Variants in MSI2 observed in about 807,000 individuals in gnomAD.
The protein encoded by MSI2 is musashi RNA binding protein 2.
A neutral mutation model predicts 45.6 loss-of-function variants in MSI2; 17 were observed. That is an observed-to-expected ratio of 0.37 (90% CI 0.26 to 0.56). MSI2 has a LOEUF of 0.56. Ranked by LOEUF, MSI2 falls within the 20% of genes least tolerant of loss-of-function variation. The pLI is 0.77. For missense variants in MSI2, 293 were observed against 444.2 expected, an observed-to-expected ratio of 0.66 and a Z score of 3.06; for synonymous variants, 156 against 158.2, an observed-to-expected ratio of 0.99 and a Z score of 0.11.
At chr17:57,338,488 T>C (rs756804840) in intron 5 of MSI2, among the ~76,000 whole-genome samples, 5 of 152,130 alleles carry the variant, frequency 3.3e-5, no homozygotes, top group African/African-American at 4.8e-5. Context: ...GAGACCATAA[T>C]CTCTGCGGTC....
chr17:57,256,815 A>T lies in MSI2; in HGVS notation c.62+11A>T. On this transcript the variant is annotated intron_variant, in intron 1 of 13. Coordinates refer to ENST00000284073, the MANE Select transcript of MSI2 (RefSeq NM_138962.4). ...CCAGCACGACCCCGGGTAAGTTTCC[A>T]GCCGCTGCCCACCGCGCCGCCTTGG... The T allele has an allele frequency of 2.7e-6, 4 of 1,457,840 alleles. No homozygotes were observed. The East Asian group carries it at 1.1e-4, about 40-fold the overall frequency. 90.3% of individuals were successfully genotyped at this position (1,457,840 alleles called of 1,614,324 possible).
intron 7 of MSI2, among the ~76,000 whole-genome samples, chr17:57,553,304 A>C (rs2087350382): frequency 6.6e-6 from 1 of 152,220 alleles, no homozygotes; most frequent in African/African-American, 2.4e-5. Context: ...CTGTTTGGGA[A>C]GGCAGAATGA....
chr17:57,457,483 A>G (rs1283349645), intron 6 of MSI2, among the ~76,000 whole-genome samples: 3 of 152,202 alleles, frequency 2.0e-5, no homozygotes, highest in African/African-American at 7.2e-5. Flanking sequence ...TGGCCAATGA[A>G]CTTATTTTAA....
chr17:57,269,273 A>G (rs183219411), intron 5 of MSI2, among the ~76,000 whole-genome samples: 1 of 152,316 alleles, frequency 6.6e-6, no homozygotes, highest in African/African-American at 2.4e-5. Context: ...AGAAGGCCTC[A>G]AGGGCCCAAT....
the MSI2 span, among the ~76,000 whole-genome samples, chr17:57,697,590 C>T: frequency 3.3e-5 from 5 of 152,214 alleles, no homozygotes; most frequent in South Asian, 1.0e-3. Context: ...AAAGACATAC[C>T]CAAGACTGGG....
At chr17:57,535,162 A>C (rs1215075563) in intron 7 of MSI2, among the ~76,000 whole-genome samples, 2 of 152,166 alleles carry the variant, frequency 1.3e-5, no homozygotes, top group Non-Finnish European at 2.9e-5. Flanking sequence ...GCCCTGATGG[A>C]GAAAGTGGAA....
intron 11 of MSI2, among the ~76,000 whole-genome samples, chr17:57,664,662 C>T (rs1037545319): frequency 1.3e-5 from 2 of 152,178 alleles, no homozygotes; most frequent in Non-Finnish European, 1.5e-5. Flanking sequence ...GGGACAGAAG[C>T]GGTTCCAGAA....
intron 7 of MSI2, among the ~76,000 whole-genome samples, chr17:57,588,995 G>A (rs1239998705): frequency 2.0e-5 from 3 of 152,296 alleles, no homozygotes; most frequent in East Asian, 1.9e-4. Context: ...GCTCAGTGAC[G>A]GCAGATGAGC....
At chr17:57,643,811 G>C (rs1436418257) in intron 10 of MSI2, among the ~76,000 whole-genome samples, 2 of 152,138 alleles carry the variant, frequency 1.3e-5, no homozygotes, top group Non-Finnish European at 2.9e-5. Context: ...ATTATCTGGG[G>C]CACTTTTGTG....
chr17:57,441,148 G>A (rs563050485), intron 6 of MSI2, among the ~76,000 whole-genome samples: 1 of 152,292 alleles, frequency 6.6e-6, no homozygotes, highest in South Asian at 2.1e-4. Flanking sequence ...CATTGACGGG[G>A]ACGGGTTTGC....
chr17:57,396,281 A>G (rs1203582164), intron 5 of MSI2, among the ~76,000 whole-genome samples: 1 of 151,998 alleles, frequency 6.6e-6, no homozygotes, highest in African/African-American at 2.4e-5. Context: ...GTGATAATGA[A>G]TATCTTTAGG....
At position 57,627,365 on chromosome 17, in the gene MSI2, G is replaced by A. The variant is rs1411656999; in HGVS notation, c.727+62G>A. 2 of 1,411,090 alleles carry A rather than the reference G, an allele frequency of 1.4e-6. No individual in the cohort carries two copies. The highest frequency in any genetic ancestry group is 1.7e-5 in the Admixed American group (1 of 59,752). The allele number at this position is 1,411,090 out of a possible 1,614,324, so 87.4% of individuals were successfully genotyped here. A position where few individuals can be genotyped will look rare whatever the true frequency, so the allele number is the denominator to read the frequency against. On this transcript the variant is annotated intron_variant, in intron 10 of 13. Coordinates refer to ENST00000284073, the MANE Select transcript of MSI2 (RefSeq NM_138962.4). This position sits in a 1 kb window ranked among gnomAD's most constrained non-coding sequence, Gnocchi z 4.6. ...AGAGGTGGGCTGCATTTGCGGGGAG[G>A]TGAGAGGACCCCTAAAGAGAATGCA...
intron 6 of MSI2, among the ~76,000 whole-genome samples, chr17:57,456,238 A>G (rs1347418322): frequency 6.6e-6 from 1 of 152,222 alleles, no homozygotes; most frequent in African/African-American, 2.4e-5. Context: ...GGAGACAGAC[A>G]AGAAGGGATG....
At chr17:57,678,090 G>A (rs530550913) in intron 13 of MSI2, among the ~76,000 whole-genome samples, 20 of 152,328 alleles carry the variant, frequency 1.3e-4, no homozygotes, top group African/African-American at 4.1e-4. Flanking sequence ...GGCTGGAGAT[G>A]AACTGGCCAC....
chr17:57,413,424 G>C (rs1235267795), intron 6 of MSI2, among the ~76,000 whole-genome samples: 3 of 150,042 alleles, frequency 2.0e-5, no homozygotes, highest in Admixed American at 2.0e-4. Flanking sequence ...TTTGATGAAA[G>C]AGTTGAACCG....
intron 10 of MSI2, among the ~76,000 whole-genome samples, chr17:57,640,686 T>C (rs1328894828): frequency 6.6e-6 from 1 of 152,192 alleles, no homozygotes; most frequent in Non-Finnish European, 1.5e-5. Context: ...GTGTGGGAGA[T>C]GGGATTTTAA....
chr17:57,461,145 T>A (rs963134456), intron 6 of MSI2, among the ~76,000 whole-genome samples: 1 of 152,072 alleles, frequency 6.6e-6, no homozygotes, highest in African/African-American at 2.4e-5. Flanking sequence ...GCCCATGGGG[T>A]CTGCCGGCTT....
At chr17:57,687,629 T>A (rs190259865), downstream of MSI2, among the ~76,000 whole-genome samples, 8 of 152,170 alleles carry the variant, frequency 5.3e-5, no homozygotes, top group African/African-American at 1.9e-4. Context: ...AAAAATAGAC[T>A]GGATCCAAAT....
In MSI2 at chr17:57,357,744, G is replaced by A. The variant is rs1434005626; in HGVS notation, c.313-43635G>A. Among the ~76,000 whole-genome samples the A allele has an allele frequency of 2.0e-5, 3 of 152,228 alleles. No homozygotes were observed. In the East Asian group the frequency reaches 5.8e-4, roughly 29 times the overall value. On this transcript the variant is annotated intron_variant, in intron 5 of 13. Coordinates refer to ENST00000284073, the MANE Select transcript of MSI2 (RefSeq NM_138962.4). ...GTATGTGTCGTTCTTGATCCAGTAAGAGGATTGTGCTTTCATTCACAAAGA... is the reference window on the plus strand; with the variant it reads ...GTATGTGTCGTTCTTGATCCAGTAAAAGGATTGTGCTTTCATTCACAAAGA...
Sources: gnomAD v4.1 joint callset for allele counts (sites outside exome capture counted in the v4.1 genomes callset) on GRCh38, gnomAD v4.1.1 for gene constraint, Gnocchi (gnomAD v3.1) non-coding constraint, MANE v1.5 for transcripts, NCBI Gene and HGNC (gene_info 2026-07-23, HGNC 2026-07-21) for gene names.